NRXN1: variants seen among roughly 807,000 people sequenced by gnomAD.
NRXN1 encodes neurexin 1, also known as neurexin-1.
In NRXN1, 39 loss-of-function variants were observed where a neutral mutation model predicts 150.9. That is an observed-to-expected ratio of 0.26 (90% CI 0.20 to 0.34). The LOEUF (loss-of-function observed/expected upper bound fraction) is 0.34, where lower values mean the gene tolerates loss of function less well. NRXN1 is among the 10% of genes least tolerant of loss of function. The pLI, the probability that NRXN1 is intolerant of heterozygous loss-of-function variation, is 1.00. For missense variants in NRXN1, 1,815 were observed against 1,949.9 expected (o/e 0.93, Z 1.30); for synonymous variants, 924 against 757.0 (o/e 1.22, Z -3.62).
chr2:50,418,138 G>A (rs556657518), intron 17 of NRXN1, among the ~76,000 whole-genome samples: 2 of 151,988 alleles, frequency 1.3e-5, no homozygotes, highest in Non-Finnish European at 2.9e-5. Context: ...TTGTACTTGA[G>A]AGTTATTTAG....
At chr2:50,999,870 G>T (rs1343605539) in intron 2 of NRXN1, among the ~76,000 whole-genome samples, 1 of 151,918 alleles carries the variant, frequency 6.6e-6, no homozygotes, top group Non-Finnish European at 1.5e-5. Context: ...GTCATACAAA[G>T]GTTACTCTAC....
chr2:50,257,497 T>C (rs1415002956), intron 17 of NRXN1, among the ~76,000 whole-genome samples: 4 of 152,050 alleles, frequency 2.6e-5, no homozygotes, highest in Non-Finnish European at 5.9e-5. Flanking sequence ...TCTCCCAGCT[T>C]TTTGCCAGAT....
At chr2:50,912,510 G>T (rs1205715783) in intron 5 of NRXN1, among the ~76,000 whole-genome samples, 2 of 151,888 alleles carry the variant, frequency 1.3e-5, no homozygotes, top group Non-Finnish European at 1.5e-5. Flanking sequence ...TGATTTATCT[G>T]TTCTTACACA....
At chr2:50,059,631 A>G (rs939465179) in intron 19 of NRXN1, among the ~76,000 whole-genome samples, 1 of 152,162 alleles carries the variant, frequency 6.6e-6, no homozygotes, top group African/African-American at 2.4e-5. Flanking sequence ...ACTTCCTATC[A>G]CAAGCCAGGA....
chr2:50,966,752 T>TCC (rs1416276063), intron 2 of NRXN1, among the ~76,000 whole-genome samples: 1 of 151,838 alleles, frequency 6.6e-6, no homozygotes, highest in Non-Finnish European at 1.5e-5. Flanking sequence ...AATGAATGGG[T>TCC]AGTAATGGAA....
intron 8 of NRXN1, among the ~76,000 whole-genome samples, chr2:50,590,765 G>A (rs879405506): frequency 2.6e-5 from 4 of 152,136 alleles, no homozygotes; most frequent in Admixed American, 2.6e-4. Context: ...ACCAGACACT[G>A]AATCTTCCAG....
At chr2:50,806,729 C>T (rs933320264) in intron 5 of NRXN1, among the ~76,000 whole-genome samples, 10 of 152,246 alleles carry the variant, frequency 6.6e-5, no homozygotes, top group Non-Finnish European at 1.3e-4. Flanking sequence ...TTCTTTTCCA[C>T]TCTGTCTCTC....
intron 17 of NRXN1, among the ~76,000 whole-genome samples, chr2:50,271,866 G>A (rs1382879964): frequency 6.6e-6 from 1 of 151,902 alleles, no homozygotes; most frequent in Admixed American, 6.6e-5. Flanking sequence ...TAAAACTAAA[G>A]AACAGCCAAT....
chr2:50,515,600 G>GGGGTGTGTGT (rs952552460), intron 12 of NRXN1, among the ~76,000 whole-genome samples: 108 of 143,508 alleles, frequency 7.5e-4, no homozygotes, highest in African/African-American at 2.7e-3. Context: ...AAATGCTTGG[G>GGGGTGTGTGT]GTGTGTGTGT....
intron 21 of NRXN1, among the ~76,000 whole-genome samples, chr2:49,987,633 G>A (rs1313579362): frequency 6.6e-6 from 1 of 151,928 alleles, no homozygotes; most frequent in Non-Finnish European, 1.5e-5. Context: ...TCCCTTTAAT[G>A]ACCTTTAAAA....
chr2:50,911,896 T>A (rs568589269), intron 5 of NRXN1, among the ~76,000 whole-genome samples: 2 of 152,060 alleles, frequency 1.3e-5, no homozygotes, highest in Admixed American at 1.3e-4. Context: ...ACATCTTTAC[T>A]AATGTGAAAA....
chr2:50,957,814 T>A lies in NRXN1; in HGVS notation c.773-31859A>T, dbSNP rs190333399. 5.3e-5 allele frequency among the ~76,000 whole-genome samples: 8 copies of A among 152,290 alleles called. No individual in the cohort carries two copies. In the East Asian group the frequency reaches 1.5e-3, roughly 29 times the overall value. Reference sequence around the variant, plus strand: ...AAATGAAATTATAATACATTTCAAATGACATTTAAAACAATTCATAAGTTA... The same window carrying A: ...AAATGAAATTATAATACATTTCAAAAGACATTTAAAACAATTCATAAGTTA... On this transcript the variant is annotated intron_variant, in intron 2 of 22. Transcript: ENST00000401669.
intron 5 of NRXN1, among the ~76,000 whole-genome samples, chr2:50,858,812 T>C (rs1339858905): frequency 1.3e-5 from 2 of 152,122 alleles, no homozygotes; most frequent in Non-Finnish European, 2.9e-5. Flanking sequence ...CACAATTTTA[T>C]CTAGAACAGA....
chr2:51,011,051 G>A (rs781328678), intron 2 of NRXN1, among the ~76,000 whole-genome samples: 1 of 151,972 alleles, frequency 6.6e-6, no homozygotes, highest in African/African-American at 2.4e-5. Context: ...TGAGATTACA[G>A]GAATGAGCCA....
At chr2:49,972,721 T>C (rs1049924172) in intron 21 of NRXN1, 4 of 152,216 alleles carry the variant, frequency 2.6e-5, no homozygotes, top group African/African-American at 7.2e-5. Flanking sequence ...CTTCCCTTTA[T>C]GAAGCGAGGG....
At chr2:50,794,793 T>A (rs1258386316) in intron 5 of NRXN1, among the ~76,000 whole-genome samples, 3 of 152,158 alleles carry the variant, frequency 2.0e-5, no homozygotes, top group Non-Finnish European at 4.4e-5. Context: ...ACTTTATGGA[T>A]GGGTAATATG....
intron 8 of NRXN1, among the ~76,000 whole-genome samples, chr2:50,587,815 G>A (rs1301552029): frequency 6.6e-6 from 1 of 152,092 alleles, no homozygotes; most frequent in Non-Finnish European, 1.5e-5. Flanking sequence ...GTGAAAAAAA[G>A]CTTGAAGAAT....
At chr2:50,090,780 C>A (rs1372340930) in intron 19 of NRXN1, among the ~76,000 whole-genome samples, 1 of 151,982 alleles carries the variant, frequency 6.6e-6, no homozygotes, top group Non-Finnish European at 1.5e-5. Flanking sequence ...AAAGTGAAAA[C>A]AAACTTCTTT....
chr2:50,447,130 T>C lies in NRXN1; in HGVS notation c.3364+18312A>G, dbSNP rs566181711. 2.0e-5 allele frequency among the ~76,000 whole-genome samples: 3 copies of C among 152,140 alleles called. No individual in the cohort carries two copies. In the South Asian group the frequency reaches 6.2e-4, roughly 32 times the overall value. On this transcript the variant is annotated intron_variant, in intron 17 of 22. Transcript: ENST00000401669. ...TTCTGATACTTTGACCCCAAACTAA[T>C]CAAACTAAATATAAATTTTGACATT...
Sources: allele counts gnomAD v4.1 joint callset (sites outside exome capture counted in the v4.1 genomes callset), GRCh38; gene constraint gnomAD v4.1.1; transcripts MANE v1.5; gene names NCBI Gene and HGNC (gene_info 2026-07-23, HGNC 2026-07-21).